Variants in CIAO2A observed in about 807,000 individuals in gnomAD.
CIAO2A encodes MIP18 family protein FAM96A.
In CIAO2A, 17 loss-of-function variants were observed where a neutral mutation model predicts 22.4. That is an observed-to-expected ratio of 0.76 (90% CI 0.52 to 1.14). CIAO2A has a LOEUF of 1.14. CIAO2A is among the 50% of genes most tolerant of loss of function. The probability of loss-of-function intolerance (pLI) is 0.00; values close to 1 mark genes in which losing one functional copy is unlikely to be tolerated. For missense variants in CIAO2A, 192 were observed against 191.4 expected (o/e 1.00, Z -0.02); for synonymous variants, 74 against 72.3 (o/e 1.02, Z -0.12).
intron 3 of CIAO2A, among the ~76,000 whole-genome samples, chr15:64,077,568 G>A (rs1040613210): frequency 1.3e-5 from 2 of 152,206 alleles, no homozygotes; most frequent in African/African-American, 2.4e-5. Flanking sequence ...CTGATGTGAT[G>A]CAATGAGAAC....
Position 64,081,560 on chromosome 15 carries a change from C to T in CIAO2A, c.290-409G>A, listed in dbSNP as rs980657643. Among the ~76,000 whole-genome samples the T allele has an allele frequency of 3.1e-4, 39 of 125,092 alleles. 1 individual carries two copies. The highest frequency in any genetic ancestry group is 2.5e-3 in the Admixed American group (27 of 10,696). The allele number at this position is 125,092 out of a possible 152,430, so 82.1% of individuals were successfully genotyped here. On this transcript the variant is annotated intron_variant, in intron 2 of 4. Transcript: ENST00000300030. ...CTTTTTTTTTTTTTTTTTTTTGAGA[C>T]GGAGTCTTGAACTGTCGCCCAGGCT...
chr15:64,086,361 A>T (rs1156580264), intron 2 of CIAO2A, among the ~76,000 whole-genome samples: 1 of 151,942 alleles, frequency 6.6e-6, no homozygotes, highest in African/African-American at 2.4e-5. Context: ...GCAGTAAGCC[A>T]AGATTGCACC....
chr15:64,088,502 T>C (rs1387295608), intron 2 of CIAO2A, among the ~76,000 whole-genome samples, 185 bp downstream of exon 2: 1 of 152,184 alleles, frequency 6.6e-6, no homozygotes, highest in African/African-American at 2.4e-5. Flanking sequence ...AATAATATTT[T>C]AACTCAACAA....
chr15:64,091,427 G>A (rs2080838808), intron 1 of CIAO2A, among the ~76,000 whole-genome samples: 1 of 150,704 alleles, frequency 6.6e-6, no homozygotes, highest in Non-Finnish European at 1.5e-5. Context: ...TGAGGCTGCA[G>A]TGGGCCAAAA....
intron 3 of CIAO2A, among the ~76,000 whole-genome samples, chr15:64,078,122 A>C (rs904126856): frequency 6.6e-6 from 1 of 152,188 alleles, no homozygotes; most frequent in Non-Finnish European, 1.5e-5. Flanking sequence ...TCACTATTTT[A>C]TTTCTTTTCT....
intron 3 of CIAO2A, among the ~76,000 whole-genome samples, chr15:64,076,528 C>G (rs947280398): frequency 2.6e-5 from 4 of 152,082 alleles, no homozygotes; most frequent in Non-Finnish European, 5.9e-5. Context: ...GCTTTTAAGA[C>G]AACCTACAAA....
At position 64,078,265 on chromosome 15, in the gene CIAO2A, A is replaced by G. The variant is rs79564658; in HGVS notation, c.340-2728T>C. ...AATTTACTCAATTTAAGACGTATTT[A>G]TTGAGCTCCAAATATGTATAAGATC... On this transcript the variant is annotated intron_variant, in intron 3 of 4. Transcript: ENST00000300030. Among the ~76,000 whole-genome samples the G allele has an allele frequency of 6.7e-3, 1,022 of 152,338 alleles. 9 individuals carry two copies. The highest frequency in any genetic ancestry group is 0.024 in the African/African-American group (983 of 41,578).
At chr15:64,079,245 C>T (rs1205408340) in intron 3 of CIAO2A, among the ~76,000 whole-genome samples, 1 of 152,032 alleles carries the variant, frequency 6.6e-6, no homozygotes, top group East Asian at 1.9e-4. Context: ...GGCCTTAAAA[C>T]GTGGGTAGGA....
chr15:64,075,506 G>C lies in CIAO2A; in HGVS notation c.371C>G (p.Ser124Ter), dbSNP rs1406620922. ...CATTCACTTACTGTCTTCTTCTGTTGAGTGGGTTCCTTCAGAAATGTAGAT... is the reference window on the plus strand; with the variant it reads ...CATTCACTTACTGTCTTCTTCTGTTCAGTGGGTTCCTTCAGAAATGTAGAT... ...LEIYISEGTH[S>*]TEEDINKQIN... The change falls in exon 4 of 5, where the codon TCA becomes TGA. Residue 124 changes from serine (S) to a stop codon, truncating the protein, a stop_gained. Coordinates refer to ENST00000300030, the MANE Select transcript of CIAO2A (RefSeq NM_032231.7). LOFTEE classifies it high-confidence loss of function. 1 of 1,587,196 alleles carries C rather than the reference G, an allele frequency of 6.3e-7. No homozygotes were observed. The highest frequency in any genetic ancestry group is 8.6e-7 in the Non-Finnish European group (1 of 1,165,750).
At chr15:64,081,274 A>C in intron 2 of CIAO2A, 123 bp from the exon 3 acceptor site, 1 of 780,412 alleles carries the variant, frequency 1.3e-6, no homozygotes, top group Non-Finnish European at 2.1e-6. Flanking sequence ...CTTTGGCTCA[A>C]TCCAGAGCAG....
At chr15:64,076,997 C>T (rs1330586214) in intron 3 of CIAO2A, among the ~76,000 whole-genome samples, 1 of 152,124 alleles carries the variant, frequency 6.6e-6, no homozygotes, top group Non-Finnish European at 1.5e-5. Context: ...TGAGCCACTG[C>T]ACCTGGCCCC....
chr15:64,077,829 T>C (rs907642360), intron 3 of CIAO2A, among the ~76,000 whole-genome samples: 2 of 152,188 alleles, frequency 1.3e-5, no homozygotes, highest in African/African-American at 4.8e-5. Context: ...TGTTACCCAT[T>C]GGAATACGTG....
At chr15:64,093,127 C>T (rs1289037732) in intron 1 of CIAO2A, among the ~76,000 whole-genome samples, 1 of 152,234 alleles carries the variant, frequency 6.6e-6, no homozygotes, top group Non-Finnish European at 1.5e-5. Flanking sequence ...AGAAGCCAAT[C>T]TCGTTCTCTT....
At chr15:64,080,259 A>C (rs756651216) in intron 3 of CIAO2A, among the ~76,000 whole-genome samples, 1 of 152,168 alleles carries the variant, frequency 6.6e-6, no homozygotes, top group Non-Finnish European at 1.5e-5. Flanking sequence ...ATGGTGGTAC[A>C]TGCCTATAAT....
chr15:64,082,767 A>G lies in CIAO2A; in HGVS notation c.290-1616T>C, dbSNP rs116002996. Among the ~76,000 whole-genome samples, 1,158 of 152,152 alleles carry G rather than the reference A, an allele frequency of 7.6e-3. 16 individuals carry two copies. The highest frequency in any genetic ancestry group is 0.027 in the African/African-American group (1,114 of 41,506). ...TTACAATTCGCAAAGCACTTTTTTG[A>G]GCATCATTATCCTCAAGAGAGGTAG... On this transcript the variant is annotated intron_variant, in intron 2 of 4. Coordinates refer to ENST00000300030, the MANE Select transcript of CIAO2A (RefSeq NM_032231.7).
At chr15:64,090,969 G>A (rs1411802722) in intron 1 of CIAO2A, among the ~76,000 whole-genome samples, 1 of 152,120 alleles carries the variant, frequency 6.6e-6, no homozygotes, top group East Asian at 1.9e-4. Flanking sequence ...CTCTGAGGCT[G>A]GAGAAAGAGA....
intron 3 of CIAO2A, among the ~76,000 whole-genome samples, chr15:64,080,682 A>G (rs1211861535): frequency 6.6e-6 from 1 of 152,152 alleles, no homozygotes; most frequent in Admixed American, 6.6e-5. Context: ...TCTGATTCAA[A>G]AAACAAAAAC....
intron 2 of CIAO2A, among the ~76,000 whole-genome samples, chr15:64,087,084 CT>C (rs766247330): frequency 0.019 from 1,416 of 76,108 alleles, 10 homozygotes; most frequent in African/African-American, 0.06. Context: ...GCTAATTTTG[CT>C]TTTTTTTTTT....
At chr15:64,079,807 AC>A (rs1484832920) in intron 3 of CIAO2A, among the ~76,000 whole-genome samples, 10 of 152,248 alleles carry the variant, frequency 6.6e-5, no homozygotes, top group African/African-American at 2.4e-4. Context: ...AAAATTAAAA[AC>A]AAATTAGACT....
Sources: gnomAD v4.1 joint callset for allele counts (sites outside exome capture counted in the v4.1 genomes callset) on GRCh38, gnomAD v4.1.1 for gene constraint, MANE v1.5 for transcripts, NCBI Gene and HGNC (gene_info 2026-07-23, HGNC 2026-07-21) for gene names.